Variants in CACNA1C observed in about 807,000 individuals in gnomAD.
CACNA1C encodes the protein voltage-dependent L-type calcium channel subunit alpha-1C.
CACNA1C carries 30 observed loss-of-function variants against 229.0 expected under a neutral mutation model. The ratio of observed to expected loss-of-function variants is 0.13; its 90% confidence interval spans 0.10 to 0.18. The LOEUF is 0.18. CACNA1C is among the 10% of genes least tolerant of loss of function. The pLI is 1.00. For missense variants in CACNA1C, 1,658 were observed against 2,845.0 expected, an observed-to-expected ratio of 0.58 and a Z score of 9.49; for synonymous variants, 1,114 against 1,132.5, an observed-to-expected ratio of 0.98 and a Z score of 0.33.
intron 3 of CACNA1C, among the ~76,000 whole-genome samples, chr12:2,344,810 A>C (rs555577750): frequency 6.6e-6 from 1 of 152,156 alleles, no homozygotes; most frequent in East Asian, 1.9e-4. Context: ...TCTACTTGCC[A>C]GGTTACTCCA....
In CACNA1C at chr12:2,608,564, A is replaced by G; in HGVS notation, c.3410A>G (p.Asn1137Ser). The change falls in exon 27 of 47, where the codon AAC (asparagine) becomes AGC (serine). Residue 1137 changes from asparagine (N) to serine (S), a missense_variant. Physicochemically the swap from Asn to Ser is conservative, Grantham distance 46 (BLOSUM62 1). Coordinates refer to ENST00000399655, the MANE Select transcript of CACNA1C (RefSeq NM_000719.7). This position sits in a 1 kb window ranked among gnomAD's most constrained non-coding sequence, Gnocchi z 4.2. ...ACGGAAGACAAGGGCCCCATCTACA[A>G]CTACCGTGTGGAGATCTCCATCTTC... The part of the protein sequence containing the change: ...SHTEDKGPIY[N>S]YRVEISIFFI... The G allele has an allele frequency of 6.2e-7, 1 of 1,613,560 alleles. No individual in the cohort carries two copies. The highest frequency in any genetic ancestry group is 8.5e-7 in the Non-Finnish European group (1 of 1,179,698).
intron 3 of CACNA1C, among the ~76,000 whole-genome samples, chr12:2,393,286 C>T (rs1461266441): frequency 6.6e-6 from 1 of 152,152 alleles, no homozygotes; most frequent in East Asian, 1.9e-4. Flanking sequence ...GATCACCAGC[C>T]AAGCAGAGAA....
Position 2,623,816 on chromosome 12 carries a change from C to T in CACNA1C, c.3829-10481C>T, listed in dbSNP as rs138073570. 1.2e-3 allele frequency among the ~76,000 whole-genome samples: 176 copies of T among 152,306 alleles called. 2 individuals carry two copies. The South Asian group carries it at 0.015, about 13-fold the overall frequency. ...ACTCCAGCCCCTGGCTCACAAGCTC[C>T]GGCATCCAGCAAGGACACCCCCTTC... On this transcript the variant is annotated intron_variant, in intron 29 of 46. Transcript: ENST00000399655.
chr12:2,677,616 G>A lies in CACNA1C; in HGVS notation c.4957-117G>A. Reference sequence around the variant, plus strand: ...ACACAAACCTTCCGGAGGGTCGACTGGCTGGGTGGAGGATGCCAGGGCCCT... The same window carrying A: ...ACACAAACCTTCCGGAGGGTCGACTAGCTGGGTGGAGGATGCCAGGGCCCT... On this transcript the variant is annotated intron_variant, in intron 40 of 46. Coordinates refer to ENST00000399655, the MANE Select transcript of CACNA1C (RefSeq NM_000719.7). The surrounding 1 kb of genome is among the most constrained non-coding windows in gnomAD (Gnocchi z 7.4). The A allele has an allele frequency of 8.4e-7, 1 of 1,196,008 alleles. No homozygotes were observed. Among genetic ancestry groups the A allele is most frequent in the East Asian group, 2.6e-5 (1 of 39,036 alleles). The allele number at this position is 1,196,008 out of a possible 1,614,324, so 74.1% of individuals were successfully genotyped here. A position where few individuals can be genotyped will look rare whatever the true frequency, so the allele number is the denominator to read the frequency against.
At position 2,215,944 on chromosome 12, in the gene CACNA1C, G is replaced by A. The variant is rs1002428631; in HGVS notation, c.477+95514G>A. 6.6e-6 allele frequency among the ~76,000 whole-genome samples: 1 copy of A among 152,170 alleles called. No individual in the cohort carries two copies. The highest frequency in any genetic ancestry group is 2.1e-4 in the South Asian group (1 of 4,830). ...GATGCTGGGAACTCATCCTGTTCTC[G>A]AAGTCACCATGCCGCCCATCAGTTG... On this transcript the variant is annotated intron_variant, in intron 3 of 46. Transcript: ENST00000399655. This position sits in a 1 kb window ranked among gnomAD's most constrained non-coding sequence, Gnocchi z 5.0.
intron 3 of CACNA1C, among the ~76,000 whole-genome samples, chr12:2,142,469 T>C (rs1382657362): frequency 6.6e-6 from 1 of 151,298 alleles, no homozygotes; most frequent in Non-Finnish European, 1.5e-5. Flanking sequence ...CTGTTACTGA[T>C]TTACGTATTT....
At position 2,479,799 on chromosome 12, in the gene CACNA1C, A is replaced by G. The variant is rs1469878651; in HGVS notation, c.758-6305A>G. Among the ~76,000 whole-genome samples, 1 of 152,208 alleles carries G rather than the reference A, an allele frequency of 6.6e-6. No homozygotes were observed. Among genetic ancestry groups the G allele is most frequent in the Non-Finnish European group, 1.5e-5 (1 of 68,050 alleles). On this transcript the variant is annotated intron_variant, in intron 5 of 46. Transcript: ENST00000399655. The surrounding 1 kb of genome is among the most constrained non-coding windows in gnomAD (Gnocchi z 4.3). The stretch of plus-strand genomic sequence containing the variant: ...TCGGGATTGGGGATATCACATGTAG[A>G]AGGGGTTTTCCCAGGCTTGAGGTTG...
intron 29 of CACNA1C, among the ~76,000 whole-genome samples, chr12:2,631,149 T>C (rs566866457): frequency 6.6e-6 from 1 of 152,318 alleles, no homozygotes; most frequent in East Asian, 1.9e-4. Context: ...TTCCTTTTCC[T>C]TTCTCCATCT....
At chr12:2,436,369 C>T (rs900659836) in intron 3 of CACNA1C, among the ~76,000 whole-genome samples, 12 of 152,128 alleles carry the variant, frequency 7.9e-5, no homozygotes, top group Non-Finnish European at 7.4e-5. Flanking sequence ...GTTGAAGGGG[C>T]CTCTTCTCCG....
At chr12:2,057,284 C>CTCAG (rs1424842247) in intron 1 of CACNA1C, among the ~76,000 whole-genome samples, 1 of 152,246 alleles carries the variant, frequency 6.6e-6, no homozygotes, top group Non-Finnish European at 1.5e-5. Context: ...CAGGCCGCTG[C>CTCAG]TCAGTCCAGG....
rs2153371956 is a variant in CACNA1C at position 2,597,210 on chromosome 12, T to G, written c.2794-20T>G. Reference sequence around the variant, plus strand: ...TCCCTTCCCCATCCCATCCCCACCCTGTTCCTTTTTGTTTTGCAGATTCTG... The same window carrying G: ...TCCCTTCCCCATCCCATCCCCACCCGGTTCCTTTTTGTTTTGCAGATTCTG... On this transcript the variant is annotated intron_variant, in intron 20 of 46. Coordinates refer to ENST00000399655, the MANE Select transcript of CACNA1C (RefSeq NM_000719.7). The surrounding 1 kb of genome is among the most constrained non-coding windows in gnomAD (Gnocchi z 4.3). 1 of 1,454,168 alleles carries G rather than the reference T, an allele frequency of 6.9e-7. No individual in the cohort carries two copies. The highest frequency in any genetic ancestry group is 9.7e-7 in the Non-Finnish European group (1 of 1,035,408). 90.1% of individuals were successfully genotyped at this position (1,454,168 alleles called of 1,614,324 possible). A position where few individuals can be genotyped will look rare whatever the true frequency, so the allele number is the denominator to read the frequency against.
chr12:2,001,053 A>AG (rs1387980278), intron 1 of CACNA1C, among the ~76,000 whole-genome samples: 2 of 149,094 alleles, frequency 1.3e-5, no homozygotes, highest in Non-Finnish European at 3.0e-5. Flanking sequence ...AAAAAAAAAA[A>AG]GAGAGATAAT....
At position 2,688,606 on chromosome 12, in the gene CACNA1C, A is replaced by G; in HGVS notation, c.5944A>G (p.Lys1982Glu). ...LRLEGVESSE[K>E]LNSSFPSIHC... ...GCTTGAGGGGGTCGAGTCCAGTGAG[A>G]AACTCAACAGCAGCTTCCCATCCAT... Residue 1982 changes from lysine to glutamate, a missense_variant, in exon 46 of 47, where the codon AAA becomes GAA. Transcript: ENST00000399655. The G allele has an allele frequency of 3.7e-6, 6 of 1,613,944 alleles. No homozygotes were observed. Among genetic ancestry groups the G allele is most frequent in the Non-Finnish European group, 5.1e-6 (6 of 1,179,878 alleles).
rs920308321 is a variant in CACNA1C at position 2,108,236 on chromosome 12, A to G, written c.50-6988A>G. Among the ~76,000 whole-genome samples, 2 of 152,190 alleles carry G rather than the reference A, an allele frequency of 1.3e-5. No homozygotes were observed. Among genetic ancestry groups the G allele is most frequent in the African/African-American group, 4.8e-5 (2 of 41,450 alleles). ...GTACAGGAATTTAGGGGCTTATACA[A>G]TAATTGGAAATGCTGCAAGAGCAGG... On this transcript the variant is annotated intron_variant, in intron 1 of 46. Coordinates refer to ENST00000399655, the MANE Select transcript of CACNA1C (RefSeq NM_000719.7). This position sits in a 1 kb window ranked among gnomAD's most constrained non-coding sequence, Gnocchi z 5.3.
intron 3 of CACNA1C, among the ~76,000 whole-genome samples, chr12:2,227,946 A>G (rs1353503956): frequency 6.6e-6 from 1 of 152,216 alleles, no homozygotes; most frequent in Non-Finnish European, 1.5e-5. Context: ...ATGGCAAACA[A>G]CTGCCCTGAC....
chr12:2,540,106 C>G (rs1245627360), intron 9 of CACNA1C, among the ~76,000 whole-genome samples: 1 of 152,186 alleles, frequency 6.6e-6, no homozygotes, highest in Non-Finnish European at 1.5e-5. Context: ...CCCCACCTCT[C>G]TCTCCTCGGG....
intron 3 of CACNA1C, among the ~76,000 whole-genome samples, chr12:2,161,855 G>A (rs1381341759): frequency 6.6e-6 from 1 of 152,186 alleles, no homozygotes; most frequent in African/African-American, 2.4e-5. Context: ...GCTGGTTGGG[G>A]ATCTTTGTGT....
chr12:2,265,501 C>T (rs1834291466), intron 3 of CACNA1C, among the ~76,000 whole-genome samples: 1 of 152,188 alleles, frequency 6.6e-6, no homozygotes, highest in African/African-American at 2.4e-5. Flanking sequence ...TCCAGGACTC[C>T]TGTACCCTAT....
chr12:2,550,352 C>G (rs894656707), intron 10 of CACNA1C, among the ~76,000 whole-genome samples: 1 of 152,134 alleles, frequency 6.6e-6, no homozygotes, highest in Non-Finnish European at 1.5e-5. Context: ...GGGGCGGCCC[C>G]AAAGTCTGTT....
Sources: allele counts gnomAD v4.1 joint callset (sites outside exome capture counted in the v4.1 genomes callset), GRCh38; gene constraint gnomAD v4.1.1; non-coding constraint Gnocchi (gnomAD v3.1); transcripts MANE v1.5; gene names NCBI Gene and HGNC (gene_info 2026-07-23, HGNC 2026-07-21).